Variants in ZNF655 observed in about 807,000 individuals in gnomAD.
The protein encoded by ZNF655 is zinc finger protein 655, also known as Vav-interacting Kruppel-like protein 1.
In ZNF655, 3 loss-of-function variants were observed where a neutral mutation model predicts 6.6. The observed-to-expected ratio is 0.46, with a 90% CI of 0.21 to 1.18. The LOEUF is 1.18. ZNF655 is among the 50% of genes most tolerant of loss of function. ZNF655 has a pLI of 0.24. For synonymous variants in ZNF655, 178 were observed against 195.0 expected (o/e 0.91, Z 0.73); for missense variants, 526 against 572.3 (o/e 0.92, Z 0.83).
intron 2 of ZNF655, chr7:99,563,315 T>C: frequency 4.8e-6 from 1 of 208,408 alleles, no homozygotes; most frequent in Non-Finnish European, 9.5e-6. Context: ...TTATATTATA[T>C]TTTTTATTTT....
intron 2 of ZNF655, among the ~76,000 whole-genome samples, chr7:99,567,208 C>A (rs910595028): frequency 3.3e-5 from 5 of 152,080 alleles, no homozygotes; most frequent in South Asian, 2.1e-4. Flanking sequence ...TAATTTTAAA[C>A]GGAAAAAATG....
intron 2 of ZNF655, chr7:99,561,784 TTG>T (rs1803196161): frequency 3.7e-6 from 2 of 544,022 alleles, no homozygotes; most frequent in African/African-American, 3.9e-5. Context: ...TACTAGAGTA[TTG>T]AGGAGGGTCC....
intron 2 of ZNF655, among the ~76,000 whole-genome samples, chr7:99,562,804 C>A (rs1803307030): frequency 6.6e-6 from 1 of 152,154 alleles, no homozygotes; most frequent in Non-Finnish European, 1.5e-5. Context: ...CTTTTCTTTT[C>A]CATTTTTGTA....
At chr7:99,568,331 A>T (rs1217020237) in intron 2 of ZNF655, among the ~76,000 whole-genome samples, 1 of 147,236 alleles carries the variant, frequency 6.8e-6, no homozygotes, top group Non-Finnish European at 1.5e-5. Flanking sequence ...GCTCACTGCA[A>T]CCTCTGCCTC....
chr7:99,560,378 C>A (rs1035392826), intron 1 of ZNF655, 155 bp from the exon 2 acceptor site: 2 of 690,956 alleles, frequency 2.9e-6, no homozygotes, highest in East Asian at 7.5e-5. Context: ...GCGCCTGGCC[C>A]CATTTTTCTG....
chr7:99,564,773 T>C, intron 2 of ZNF655: 5 of 929,458 alleles, frequency 5.4e-6, no homozygotes, highest in Non-Finnish European at 6.4e-6. Context: ...TAGTATGCTA[T>C]AGACTGAACT....
intron 2 of ZNF655, among the ~76,000 whole-genome samples, chr7:99,566,021 A>ATGTGTGTGTG (rs34698828): frequency 0.064 from 9,601 of 149,910 alleles, 571 homozygotes; most frequent in East Asian, 0.26. Flanking sequence ...GGACATTTAT[A>ATGTGTGTGTG]TGTGTGTGTG....
chr7:99,562,734 G>T (rs1217593337), intron 2 of ZNF655, among the ~76,000 whole-genome samples: 1 of 152,018 alleles, frequency 6.6e-6, no homozygotes, highest in Non-Finnish European at 1.5e-5. Context: ...CCATTGTGGG[G>T]CATCTTTTCC....
rs1167865274 is a variant in ZNF655, at chr7:99,575,691, G to C, written c.*2107G>C. On this transcript the variant is annotated 3_prime_UTR_variant, in exon 3 of 3. Transcript: ENST00000252713. ...TCAAGAGAGTGGCAGGTCTGTTCCTGGTAAAATTTTAACCATTAGGATTGC... is the reference window on the plus strand; with the variant it reads ...TCAAGAGAGTGGCAGGTCTGTTCCTCGTAAAATTTTAACCATTAGGATTGC... The C allele has an allele frequency of 6.6e-6, 1 of 152,022 alleles. No individual in the cohort carries two copies. The allele number at this position is 152,022 out of a possible 1,614,324, so 9.4% of individuals were successfully genotyped here. A position where few individuals can be genotyped will look rare whatever the true frequency, so the allele number is the denominator to read the frequency against.
chr7:99,563,963 C>T (rs147982890), intron 2 of ZNF655: 173 of 1,613,800 alleles, frequency 1.1e-4, no homozygotes, highest in Non-Finnish European at 1.4e-4. Context: ...AAACACTTGC[C>T]GTCCTTACAG....
At position 99,572,484 on chromosome 7, in the gene ZNF655, GAGA is replaced by G. The variant is rs1453733984; in HGVS notation, c.381_383del (p.Lys127del). 4 of 1,613,988 alleles carry G rather than the reference GAGA, an allele frequency of 2.5e-6. No homozygotes were observed. The highest frequency in any genetic ancestry group is 3.4e-6 in the Non-Finnish European group (4 of 1,179,958). The stretch of plus-strand genomic sequence containing the variant: ...AATCAGCAAGGAAACCTTCACCAGT[GAGA>G]AGAACAATGAATGTCATGAACCCGA... On this transcript the variant is annotated inframe_deletion, in exon 3 of 3. Transcript: ENST00000252713.
At chr7:99,560,381 T>C in intron 1 of ZNF655, 152 bp from the exon 2 acceptor site, 1 of 723,400 alleles carries the variant, frequency 1.4e-6, no homozygotes, top group Middle Eastern at 4.3e-4. Flanking sequence ...CCTGGCCCCA[T>C]TTTTCTGTTA....
rs1210982533 is a variant in ZNF655 at position 99,575,143 on chromosome 7, C to T, written c.*1559C>T. The T allele has an allele frequency of 2.0e-5, 3 of 152,688 alleles. No homozygotes were observed. Among genetic ancestry groups the T allele is most frequent in the Non-Finnish European group, 4.4e-5 (3 of 68,062 alleles). The allele number at this position is 152,688 out of a possible 1,614,324, so 9.5% of individuals were successfully genotyped here. ...AACAAGACTCCTAATAGCCTCACTA[C>T]ATTCATCCAGTGCCTATTCTGCATG... On this transcript the variant is annotated 3_prime_UTR_variant, in exon 3 of 3. Coordinates refer to ENST00000252713, the MANE Select transcript of ZNF655 (RefSeq NM_138494.3).
In ZNF655 at chr7:99,576,402, A is replaced by G. The variant is rs377378856; in HGVS notation, c.*2818A>G. 3.3e-5 allele frequency: 5 copies of G among 152,756 alleles called. No individual in the cohort carries two copies. The East Asian group carries it at 5.8e-4, about 18-fold the overall frequency. The allele number at this position is 152,756 out of a possible 1,614,324, so 9.5% of individuals were successfully genotyped here. A position where few individuals can be genotyped will look rare whatever the true frequency, so the allele number is the denominator to read the frequency against. On this transcript the variant is annotated 3_prime_UTR_variant, in exon 3 of 3. Coordinates refer to ENST00000252713, the MANE Select transcript of ZNF655 (RefSeq NM_138494.3). ...ATCACATGTATGCGTTTGGTTTAGG[A>G]ATGTGCTTTTGTACTTCCACTTGAA...
intron 2 of ZNF655, chr7:99,571,903 T>G: frequency 1.4e-6 from 1 of 694,952 alleles, no homozygotes; most frequent in East Asian, 2.7e-5. Context: ...TGTCCTAGCA[T>G]GGAGAGTTCC....
chr7:99,571,138 A>T (rs970239910), intron 2 of ZNF655: 3 of 881,050 alleles, frequency 3.4e-6, no homozygotes, highest in Non-Finnish European at 4.6e-6. Context: ...TAAATGCTAC[A>T]CTCCTAATGG....
At chr7:99,559,602 T>A (rs1802917390) in intron 1 of ZNF655, among the ~76,000 whole-genome samples, 1 of 152,078 alleles carries the variant, frequency 6.6e-6, no homozygotes, top group Admixed American at 6.5e-5. Context: ...AACTTGAGCC[T>A]CCAAAGACGA....
intron 2 of ZNF655, chr7:99,564,035 G>A (rs201587576): frequency 7.5e-6 from 12 of 1,607,784 alleles, no homozygotes; most frequent in Admixed American, 1.7e-5. Flanking sequence ...GTCCCTGCTC[G>A]GAAACTCCTT....
At chr7:99,559,214 G>A (rs1419535640) in intron 1 of ZNF655, among the ~76,000 whole-genome samples, 2 of 152,180 alleles carry the variant, frequency 1.3e-5, no homozygotes, top group Non-Finnish European at 2.9e-5. Context: ...TGTTCGAACC[G>A]CAGCTCTTAC....
Sources: allele counts gnomAD v4.1 joint callset (sites outside exome capture counted in the v4.1 genomes callset), GRCh38; gene constraint gnomAD v4.1.1; transcripts MANE v1.5; gene names NCBI Gene and HGNC (gene_info 2026-07-23, HGNC 2026-07-21).